The following ERC2 variants were observed in gnomAD, a reference collection of about 807,000 sequenced individuals.
The protein encoded by ERC2 is ELKS/RAB6-interacting/CAST family member 2.
Under a neutral mutation model 114.8 loss-of-function variants are expected in ERC2, and 42 were observed. The observed-to-expected ratio is 0.37, with a 90% CI of 0.29 to 0.47. ERC2 has a LOEUF of 0.47. Among genes scored for constraint, ERC2 ranks in the 20% least tolerant of loss-of-function variants. The probability of loss-of-function intolerance (pLI) is 0.99; values close to 1 mark genes in which losing one functional copy is unlikely to be tolerated. For synonymous variants in ERC2, 454 were observed against 425.5 expected, an observed-to-expected ratio of 1.07 and a Z score of -0.82; for missense variants, 939 against 1,150.7, an observed-to-expected ratio of 0.82 and a Z score of 2.66.
At chr3:55,938,656 C>T (rs936510017) in intron 13 of ERC2, among the ~76,000 whole-genome samples, 1 of 152,090 alleles carries the variant, frequency 6.6e-6, no homozygotes, top group Non-Finnish European at 1.5e-5. Flanking sequence ...TTTAAATGTG[C>T]GGTTTTCTAA....
chr3:56,174,664 A>G (rs1002296833), intron 3 of ERC2, among the ~76,000 whole-genome samples: 3 of 152,196 alleles, frequency 2.0e-5, no homozygotes, highest in African/African-American at 7.2e-5. Context: ...ATTATCATCT[A>G]CTATCACTGT....
At chr3:55,724,235 A>G (rs2064767941) in intron 15 of ERC2, among the ~76,000 whole-genome samples, 1 of 152,134 alleles carries the variant, frequency 6.6e-6, no homozygotes, top group African/African-American at 2.4e-5. Context: ...GCAGGAAGAG[A>G]TAAGTCGCCC....
At chr3:55,826,606 C>G (rs963132417) in intron 14 of ERC2, among the ~76,000 whole-genome samples, 5 of 152,190 alleles carry the variant, frequency 3.3e-5, no homozygotes, top group Non-Finnish European at 7.3e-5. Flanking sequence ...TCATTGTTTA[C>G]TGTATCAGAT....
chr3:55,928,859 G>A (rs953365328), intron 13 of ERC2, among the ~76,000 whole-genome samples: 1 of 152,196 alleles, frequency 6.6e-6, no homozygotes, highest in Non-Finnish European at 1.5e-5. Flanking sequence ...ATTTACTGAA[G>A]AGACTGTCCT....
intron 14 of ERC2, among the ~76,000 whole-genome samples, chr3:55,742,253 A>G (rs752429672): frequency 6.6e-5 from 10 of 152,224 alleles, no homozygotes; most frequent in Non-Finnish European, 1.3e-4. Flanking sequence ...TACCTCACTT[A>G]TCACAGTCCA....
chr3:55,827,987 G>A (rs1321283630), intron 14 of ERC2, among the ~76,000 whole-genome samples: 2 of 152,224 alleles, frequency 1.3e-5, no homozygotes. Context: ...CGGCCAAGCC[G>A]ATGGAAACCA....
intron 12 of ERC2, among the ~76,000 whole-genome samples, chr3:55,961,063 G>A (rs1218480897): frequency 6.6e-6 from 1 of 152,256 alleles, no homozygotes; most frequent in Non-Finnish European, 1.5e-5. Flanking sequence ...GGAGGTTGCA[G>A]TGAGCCAAGA....
chr3:56,459,458 T>A (rs2063211725), intron 1 of ERC2, among the ~76,000 whole-genome samples: 1 of 151,872 alleles, frequency 6.6e-6, no homozygotes, highest in Non-Finnish European at 1.5e-5. Flanking sequence ...TGCCCTGAAA[T>A]CACAGAATGA....
intron 12 of ERC2, among the ~76,000 whole-genome samples, chr3:55,965,052 C>T (rs1361852902): frequency 1.3e-5 from 2 of 152,166 alleles, no homozygotes; most frequent in Non-Finnish European, 2.9e-5. Flanking sequence ...ACTCCATCAC[C>T]TTTACCATAT....
At chr3:55,728,673 G>C (rs2065068201) in intron 15 of ERC2, among the ~76,000 whole-genome samples, 1 of 152,128 alleles carries the variant, frequency 6.6e-6, no homozygotes, top group Non-Finnish European at 1.5e-5. Flanking sequence ...AAAACAGCTG[G>C]CCTGGCCTGG....
chr3:56,387,530 T>C (rs2059977588), intron 2 of ERC2, among the ~76,000 whole-genome samples: 1 of 152,198 alleles, frequency 6.6e-6, no homozygotes, highest in South Asian at 2.1e-4. Flanking sequence ...TTTGTGTCTA[T>C]AAAACCCGGG....
chr3:55,758,794 A>T (rs2067225905), intron 14 of ERC2, among the ~76,000 whole-genome samples: 1 of 152,238 alleles, frequency 6.6e-6, no homozygotes, highest in Admixed American at 6.5e-5. Flanking sequence ...ACGTTTTCCA[A>T]GAAGGTTATG....
intron 15 of ERC2, among the ~76,000 whole-genome samples, chr3:55,702,536 T>C (rs1313564645): frequency 6.7e-6 from 1 of 149,216 alleles, no homozygotes; most frequent in African/African-American, 2.6e-5. Context: ...TGGATCTCTT[T>C]TAAATTTTTT....
At chr3:55,550,466 G>T (rs1194924715) in intron 17 of ERC2, among the ~76,000 whole-genome samples, 1 of 152,194 alleles carries the variant, frequency 6.6e-6, no homozygotes, top group East Asian at 1.9e-4. Flanking sequence ...TTGAACCAAT[G>T]CATAAATAAA....
chr3:56,095,553 T>A (rs1361807545), intron 6 of ERC2, among the ~76,000 whole-genome samples: 1 of 152,180 alleles, frequency 6.6e-6, no homozygotes, highest in African/African-American at 2.4e-5. Flanking sequence ...GAAAGATGCA[T>A]AAGCAAATGA....
chr3:56,269,046 A>T (rs1381050990), intron 3 of ERC2, among the ~76,000 whole-genome samples: 1 of 152,218 alleles, frequency 6.6e-6, no homozygotes, highest in Non-Finnish European at 1.5e-5. Flanking sequence ...ATAGAAAAAA[A>T]ATTTCAGATC....
At chr3:55,835,600 T>C (rs903149333) in intron 14 of ERC2, among the ~76,000 whole-genome samples, 1 of 152,158 alleles carries the variant, frequency 6.6e-6, no homozygotes, top group African/African-American at 2.4e-5. Flanking sequence ...GTGGGATGTA[T>C]CTCAAAATAA....
At chr3:56,127,793 A>G (rs771941561) in intron 6 of ERC2, among the ~76,000 whole-genome samples, 19 of 152,210 alleles carry the variant, frequency 1.2e-4, no homozygotes, top group Non-Finnish European at 1.9e-4. Context: ...GGAACAAAAC[A>G]GAGAGTCCAG....
intron 17 of ERC2, among the ~76,000 whole-genome samples, chr3:55,524,835 G>T (rs938369876): frequency 3.3e-5 from 5 of 152,194 alleles, no homozygotes; most frequent in Admixed American, 2.0e-4. Context: ...GTGGGCTGAG[G>T]TGTTCAATCA....
Sources: allele counts gnomAD v4.1 joint callset (sites outside exome capture counted in the v4.1 genomes callset), GRCh38; gene constraint gnomAD v4.1.1; transcripts MANE v1.5; gene names NCBI Gene and HGNC (gene_info 2026-07-23, HGNC 2026-07-21).